SLC9A4: variants seen among roughly 807,000 people sequenced by gnomAD.
SLC9A4 encodes solute carrier family 9 member A4, also known as sodium/hydrogen exchanger 4.
Under a neutral mutation model 67.4 loss-of-function variants are expected in SLC9A4, and 63 were observed. The observed-to-expected ratio is 0.93, with a 90% CI of 0.76 to 1.15. The LOEUF (loss-of-function observed/expected upper bound fraction) is 1.15. Among genes scored for constraint, SLC9A4 ranks in the 50% most tolerant of loss-of-function variants. SLC9A4 has a pLI of 0.00. For missense variants in SLC9A4, 1,089 were observed against 987.7 expected (o/e 1.10, Z -1.38); for synonymous variants, 393 against 367.2 (o/e 1.07, Z -0.80).
At chr2:102,499,524 G>A (rs1271622322) in intron 2 of SLC9A4, among the ~76,000 whole-genome samples, 1 of 152,058 alleles carries the variant, frequency 6.6e-6, no homozygotes, top group Non-Finnish European at 1.5e-5. Flanking sequence ...TTCATGGTAT[G>A]TGTGTGTGTC....
intron 9 of SLC9A4, 64 bp downstream of exon 9, chr2:102,520,019 G>T: frequency 7.3e-7 from 1 of 1,373,102 alleles, no homozygotes; most frequent in Non-Finnish European, 1.0e-6. Context: ...TGAAGGGGGA[G>T]TCTGTTGATG....
At chr2:102,513,571 T>C (rs988068763) in intron 7 of SLC9A4, among the ~76,000 whole-genome samples, 5 of 151,818 alleles carry the variant, frequency 3.3e-5, no homozygotes, top group Admixed American at 6.6e-5. Flanking sequence ...AGGGTTTTTT[T>C]CTTCCCCTTA....
At chr2:102,511,602 AC>A (rs1214101234) in intron 6 of SLC9A4, among the ~76,000 whole-genome samples, 5 of 152,064 alleles carry the variant, frequency 3.3e-5, no homozygotes, top group African/African-American at 9.7e-5. Context: ...TGAAGATTGC[AC>A]TTTTTCCTAA....
intron 2 of SLC9A4, among the ~76,000 whole-genome samples, chr2:102,495,514 TA>T (rs150720688): frequency 0.022 from 3,396 of 152,222 alleles, 133 homozygotes; most frequent in African/African-American, 0.077. Context: ...AAGCTGATTC[TA>T]AAAATCTGTT....
At chr2:102,475,676 G>T (rs937387385) in intron 1 of SLC9A4, among the ~76,000 whole-genome samples, 3 of 152,060 alleles carry the variant, frequency 2.0e-5, no homozygotes, top group Admixed American at 6.5e-5. Flanking sequence ...ACGCTTATTC[G>T]AGTACAATTT....
At chr2:102,509,632 TATC>T (rs911619519) in intron 6 of SLC9A4, among the ~76,000 whole-genome samples, 1 of 152,180 alleles carries the variant, frequency 6.6e-6, no homozygotes, top group African/African-American at 2.4e-5. Flanking sequence ...AAATCCAAAA[TATC>T]ATCTGAATCT....
chr2:102,478,994 A>G lies in SLC9A4; in HGVS notation c.412A>G (p.Ile138Val). The change falls in exon 2 of 12, where the codon ATC (isoleucine) becomes GTC (valine). Residue 138 changes from isoleucine to valine, a missense_variant. Coordinates refer to ENST00000295269, the MANE Select transcript of SLC9A4 (RefSeq NM_001011552.4). Reference sequence around the variant, plus strand: ...CTACTTCCTGTATCTCCTGCCACCCATCGTTCTGGAGGGCGGCTACTTCAT... The same window carrying G: ...CTACTTCCTGTATCTCCTGCCACCCGTCGTTCTGGAGGGCGGCTACTTCAT... ...SIYFLYLLPP[I>V]VLEGGYFMPT... The G allele has an allele frequency of 6.2e-7, 1 of 1,614,022 alleles. No individual in the cohort carries two copies. The highest frequency in any genetic ancestry group is 8.5e-7 in the Non-Finnish European group (1 of 1,180,004).
chr2:102,500,842 T>C (rs1174343873), intron 2 of SLC9A4, among the ~76,000 whole-genome samples: 1 of 152,072 alleles, frequency 6.6e-6, no homozygotes, highest in East Asian at 1.9e-4. Flanking sequence ...AGAAGGCCTT[T>C]GTCATCAATG....
intron 6 of SLC9A4, among the ~76,000 whole-genome samples, chr2:102,509,730 C>T (rs1011871460): frequency 1.3e-5 from 2 of 152,230 alleles, no homozygotes; most frequent in Admixed American, 1.3e-4. Flanking sequence ...TATTCTGAGG[C>T]TCAGTTTCTC....
chr2:102,488,609 C>G (rs533779491), intron 2 of SLC9A4, among the ~76,000 whole-genome samples: 2 of 148,286 alleles, frequency 1.3e-5, no homozygotes, highest in Non-Finnish European at 3.0e-5. Context: ...AGTGCAGTGG[C>G]GCGATCTCAG....
Position 102,519,880 on chromosome 2 carries a change from CAA to C in SLC9A4, c.1746_1747del (p.Arg583ThrfsTer4). ...PHQAQRIQGI[K>X]RLSPEDVESI... ...CCAGGGCCCAGAGGATACAAGGAAT[CAA>C]AAGACTTTCCCCTGAAGATGTGGAG... On this transcript the variant is annotated frameshift_variant, in exon 9 of 12. Transcript: ENST00000295269. LOFTEE classifies it high-confidence loss of function. The C allele has an allele frequency of 6.2e-7, 1 of 1,613,746 alleles. No individual in the cohort carries two copies. Among genetic ancestry groups the C allele is most frequent in the Admixed American group, 1.7e-5 (1 of 60,010 alleles).
chr2:102,522,928 C>T (rs969937097), intron 9 of SLC9A4, among the ~76,000 whole-genome samples: 1 of 152,052 alleles, frequency 6.6e-6, no homozygotes. Flanking sequence ...TGGATTTACC[C>T]CTCCCTCACT....
Position 102,474,018 on chromosome 2 carries a change from A to C in SLC9A4, c.256+3A>C. Reference sequence around the variant, plus strand: ...TCTAGCATCCCTTGCAAAAATAGGTAAGTCCTTAAACACCTGGTTTGGTGA... The same window carrying C: ...TCTAGCATCCCTTGCAAAAATAGGTCAGTCCTTAAACACCTGGTTTGGTGA... On this transcript the variant is annotated splice_donor_region_variant and intron_variant, in intron 1 of 11. Coordinates refer to ENST00000295269, the MANE Select transcript of SLC9A4 (RefSeq NM_001011552.4). 1 of 1,612,584 alleles carries C rather than the reference A, an allele frequency of 6.2e-7. No individual in the cohort carries two copies. The highest frequency in any genetic ancestry group is 8.5e-7 in the Non-Finnish European group (1 of 1,178,980).
intron 11 of SLC9A4, among the ~76,000 whole-genome samples, chr2:102,527,442 TG>T (rs1674688642): frequency 1.3e-5 from 2 of 152,202 alleles, no homozygotes; most frequent in Non-Finnish European, 1.5e-5. Context: ...ATTATATGCA[TG>T]TACCAAAGCT....
chr2:102,521,529 C>A (rs929253480), intron 9 of SLC9A4, among the ~76,000 whole-genome samples: 23 of 152,110 alleles, frequency 1.5e-4, no homozygotes, highest in African/African-American at 5.6e-4. Context: ...TTTGACTCTG[C>A]TTTGCTTACT....
At chr2:102,479,334 G>T in intron 2 of SLC9A4, 32 bp downstream of exon 2, 1 of 1,568,640 alleles carries the variant, frequency 6.4e-7, no homozygotes, top group Non-Finnish European at 8.6e-7. Flanking sequence ...CGGCTTCCGG[G>T]GGAGATGAGG....
intron 9 of SLC9A4, among the ~76,000 whole-genome samples, chr2:102,522,805 A>G (rs1354729247): frequency 1.3e-5 from 2 of 152,212 alleles, no homozygotes; most frequent in African/African-American, 4.8e-5. Flanking sequence ...ATAGACAAGA[A>G]TTCATATTTC....
At chr2:102,476,975 T>A (rs993453677) in intron 1 of SLC9A4, among the ~76,000 whole-genome samples, 1 of 152,204 alleles carries the variant, frequency 6.6e-6, no homozygotes. Flanking sequence ...TTGGTGATAA[T>A]TATACCCTGT....
intron 2 of SLC9A4, among the ~76,000 whole-genome samples, chr2:102,490,618 T>G (rs190635612): frequency 2.6e-4 from 39 of 152,262 alleles, no homozygotes; most frequent in Non-Finnish European, 4.9e-4. Flanking sequence ...ACATATAAAT[T>G]TGGAGAGGGG....
Sources: gnomAD v4.1 joint callset for allele counts (sites outside exome capture counted in the v4.1 genomes callset) on GRCh38, gnomAD v4.1.1 for gene constraint, MANE v1.5 for transcripts, NCBI Gene and HGNC (gene_info 2026-07-23, HGNC 2026-07-21) for gene names.